The following DOCK4 variants were observed in gnomAD, a reference collection of about 807,000 sequenced individuals.
The protein encoded by DOCK4 is dedicator of cytokinesis protein 4.
A neutral mutation model predicts 268.1 loss-of-function variants in DOCK4; 97 were observed. The ratio of observed to expected loss-of-function variants is 0.36; its 90% CI spans 0.31 to 0.43. The LOEUF (loss-of-function observed/expected upper bound fraction) is 0.43. DOCK4 is among the 20% of genes least tolerant of loss of function. DOCK4 has a pLI of 1.00. For synonymous variants in DOCK4, 954 were observed against 887.2 expected (o/e 1.08, Z -1.34); for missense variants, 2,145 against 2,455.7 (o/e 0.87, Z 2.67).
intron 1 of DOCK4, among the ~76,000 whole-genome samples, chr7:112,010,475 T>C (rs1178297547): frequency 6.6e-6 from 1 of 152,232 alleles, no homozygotes; most frequent in African/African-American, 2.4e-5. Context: ...GGTGGCTATG[T>C]GTGTCACAGT....
intron 13 of DOCK4, among the ~76,000 whole-genome samples, chr7:111,913,056 C>T (rs1171358745): frequency 5.3e-5 from 8 of 151,686 alleles, no homozygotes; most frequent in African/African-American, 9.7e-5. Flanking sequence ...CTCCGCCTCC[C>T]GGGTTCAAGC....
chr7:111,976,157 A>AT (rs59353212), intron 8 of DOCK4, among the ~76,000 whole-genome samples: 54 of 78,844 alleles, frequency 6.8e-4, no homozygotes, highest in South Asian at 3.3e-3. Context: ...AAAAAAAAAA[A>AT]AAAAATATAT....
chr7:111,876,772 T>C (rs558046904), intron 17 of DOCK4, among the ~76,000 whole-genome samples: 2 of 144,158 alleles, frequency 1.4e-5, no homozygotes, highest in Non-Finnish European at 3.0e-5. Context: ...TTTCAAAGCA[T>C]CTGGGTTTTG....
chr7:112,188,456 C>G (rs899355014), intron 1 of DOCK4, among the ~76,000 whole-genome samples: 1 of 152,236 alleles, frequency 6.6e-6, no homozygotes, highest in Non-Finnish European at 1.5e-5. Context: ...ATCCTGGCCT[C>G]TTTCATAAGA....
chr7:111,895,298 T>C (rs915957008), intron 16 of DOCK4, among the ~76,000 whole-genome samples: 4 of 152,210 alleles, frequency 2.6e-5, no homozygotes, highest in East Asian at 1.9e-4. Context: ...AAGCGCGTAA[T>C]GTAGTATTTA....
intron 1 of DOCK4, among the ~76,000 whole-genome samples, chr7:112,040,436 G>A (rs187948912): frequency 3.9e-5 from 6 of 152,276 alleles, no homozygotes; most frequent in African/African-American, 1.4e-4. Flanking sequence ...ATGAAAAACT[G>A]ATCAAGAAGT....
At chr7:112,128,470 T>C (rs1345560651) in intron 1 of DOCK4, among the ~76,000 whole-genome samples, 2 of 152,022 alleles carry the variant, frequency 1.3e-5, no homozygotes, top group Non-Finnish European at 2.9e-5. Flanking sequence ...CTTTGTGGAA[T>C]AGAAAGGGGG....
chr7:112,022,183 T>TAATC (rs1348091539), intron 1 of DOCK4, among the ~76,000 whole-genome samples: 3 of 152,218 alleles, frequency 2.0e-5, no homozygotes, highest in African/African-American at 7.2e-5. Context: ...TAGCGCGGTA[T>TAATC]AATCACTCAC....
At chr7:111,736,832 CCACA>C in intron 50 of DOCK4, 81 bp downstream of exon 50, 1 of 1,255,494 alleles carries the variant, frequency 8.0e-7, no homozygotes, top group African/African-American at 1.5e-5. Flanking sequence ...GCACTGCTTT[CCACA>C]CAGACACACA....
At chr7:112,127,387 A>G (rs1477792584) in intron 1 of DOCK4, among the ~76,000 whole-genome samples, 1 of 129,156 alleles carries the variant, frequency 7.7e-6, no homozygotes, top group African/African-American at 2.9e-5. Context: ...AGGAAGGGGA[A>G]CATCACACTC....
intron 42 of DOCK4, among the ~76,000 whole-genome samples, chr7:111,753,007 G>GGGGC (rs973102222): frequency 6.8e-6 from 1 of 145,996 alleles, no homozygotes; most frequent in East Asian, 2.0e-4. Flanking sequence ...TAAGCTATTG[G>GGGGC]GGGGGGGGTC....
chr7:112,065,255 C>T (rs772476492), intron 1 of DOCK4, among the ~76,000 whole-genome samples: 11 of 152,008 alleles, frequency 7.2e-5, no homozygotes, highest in Non-Finnish European at 1.3e-4. Flanking sequence ...AAGCTTTTCT[C>T]ACACCAGCAT....
At chr7:111,879,222 C>A (rs1232316138) in intron 16 of DOCK4, among the ~76,000 whole-genome samples, 1 of 152,032 alleles carries the variant, frequency 6.6e-6, no homozygotes, top group Non-Finnish European at 1.5e-5. Context: ...CCATCCTGGG[C>A]CAAAAGGGAG....
chr7:112,063,511 TAG>T (rs965206771), intron 1 of DOCK4, among the ~76,000 whole-genome samples: 1 of 152,214 alleles, frequency 6.6e-6, no homozygotes, highest in Non-Finnish European at 1.5e-5. Context: ...TGTTTTATAA[TAG>T]AGTGTGGAAT....
At chr7:112,183,703 T>C (rs1222769300) in intron 1 of DOCK4, among the ~76,000 whole-genome samples, 2 of 152,030 alleles carry the variant, frequency 1.3e-5, no homozygotes, top group Admixed American at 1.3e-4. Context: ...GGGGTGAGGG[T>C]TGGGTAGTTC....
At chr7:112,141,247 T>C (rs1300760958) in intron 1 of DOCK4, among the ~76,000 whole-genome samples, 1 of 152,146 alleles carries the variant, frequency 6.6e-6, no homozygotes, top group African/African-American at 2.4e-5. Context: ...TCCTCTACCA[T>C]AAGGGACAGA....
intron 11 of DOCK4, 27 bp from the exon 12 acceptor site, chr7:111,935,655 GC>G: frequency 6.3e-7 from 1 of 1,584,172 alleles, no homozygotes; most frequent in Non-Finnish European, 8.7e-7. Context: ...ACTCTGTTAA[GC>G]TTTAATGATG....
chr7:111,976,274 TATATATATATATATA>T (rs1562954416), intron 8 of DOCK4, among the ~76,000 whole-genome samples: 8 of 2,450 alleles, frequency 3.3e-3, no homozygotes, highest in African/African-American at 9.0e-3. Flanking sequence ...GTCTATTATA[TATATATATATATATA>T]TATATATATA....
intron 11 of DOCK4, among the ~76,000 whole-genome samples, chr7:111,938,783 C>G (rs1379209457): frequency 1.3e-5 from 2 of 151,914 alleles, no homozygotes; most frequent in African/African-American, 4.8e-5. Context: ...TTAGGGTGAA[C>G]CACACTCTAA....
Sources: gnomAD v4.1 joint callset for allele counts (sites outside exome capture counted in the v4.1 genomes callset) on GRCh38, gnomAD v4.1.1 for gene constraint, MANE v1.5 for transcripts, NCBI Gene and HGNC (gene_info 2026-07-23, HGNC 2026-07-21) for gene names.